The following PREX2 variants were observed in gnomAD, a reference collection of about 807,000 sequenced individuals.
The protein encoded by PREX2 is phosphatidylinositol 3,4,5-trisphosphate-dependent Rac exchanger 2 protein.
PREX2 carries 107 observed loss-of-function variants against 203.2 expected under a neutral mutation model. That is an observed-to-expected ratio of 0.53 (90% CI 0.45 to 0.62). PREX2 has a LOEUF of 0.62. Among genes scored for constraint, PREX2 ranks in the 20% least tolerant of loss-of-function variants. PREX2 has a pLI of 0.00. For missense variants in PREX2, 1,777 were observed against 1,955.9 expected, an observed-to-expected ratio of 0.91 and a Z score of 1.72; for synonymous variants, 672 against 663.6, an observed-to-expected ratio of 1.01 and a Z score of -0.19.
chr8:68,194,086 G>A (rs549204130), intron 37 of PREX2, among the ~76,000 whole-genome samples: 1 of 152,210 alleles, frequency 6.6e-6, no homozygotes, highest in African/African-American at 2.4e-5. Flanking sequence ...AGCTTTGAAA[G>A]TTTTTTTGCT....
At chr8:67,970,173 G>T (rs1009734125) in intron 1 of PREX2, among the ~76,000 whole-genome samples, 4 of 152,132 alleles carry the variant, frequency 2.6e-5, no homozygotes, top group Non-Finnish European at 4.4e-5. Flanking sequence ...TTGTGTAACA[G>T]TTGTTGAAGG....
intron 31 of PREX2, among the ~76,000 whole-genome samples, chr8:68,129,886 CAA>C (rs3056769): frequency 0.39 from 57,374 of 147,552 alleles, 11,199 homozygotes; most frequent in South Asian, 0.51. Flanking sequence ...CAATAGTAAG[CAA>C]AAAAAAAAAA....
intron 14 of PREX2, among the ~76,000 whole-genome samples, chr8:68,076,470 C>G (rs1030748): frequency 6.6e-6 from 1 of 151,462 alleles, no homozygotes. Context: ...AAAAAAATAG[C>G]TTAATTGTTA....
Position 68,051,492 on chromosome 8 carries a change from G to A in PREX2, c.944-1605G>A, listed in dbSNP as rs559087533. Among the ~76,000 whole-genome samples the A allele has an allele frequency of 2.6e-5, 4 of 152,238 alleles. No homozygotes were observed. The South Asian group carries it at 8.3e-4, about 32-fold the overall frequency. On this transcript the variant is annotated intron_variant, in intron 8 of 39. Transcript: ENST00000288368. ...GGTCTTGTTAGGTTACAAGTGGTTAGGGTTGGGGGAAGAGTTTTAAACGTG... is the reference window on the plus strand; with the variant it reads ...GGTCTTGTTAGGTTACAAGTGGTTAAGGTTGGGGGAAGAGTTTTAAACGTG...
At chr8:68,081,199 A>G (rs1198336103) in intron 17 of PREX2, among the ~76,000 whole-genome samples, 4 of 152,128 alleles carry the variant, frequency 2.6e-5, no homozygotes, top group Non-Finnish European at 5.9e-5. Context: ...CAGGCATTAG[A>G]GTGTCATAAG....
intron 14 of PREX2, among the ~76,000 whole-genome samples, chr8:68,073,232 A>G (rs1250680131): frequency 6.6e-6 from 1 of 150,834 alleles, no homozygotes; most frequent in Non-Finnish European, 1.5e-5. Flanking sequence ...TCAACTAGTA[A>G]ATGATAAAAT....
In PREX2 at chr8:68,053,266, G is replaced by A. The variant is rs757947800; in HGVS notation, c.1093+20G>A. The A allele has an allele frequency of 5.5e-5, 89 of 1,610,960 alleles. 1 individual carries two copies. In the South Asian group the frequency reaches 6.5e-4, roughly 12 times the overall value. ...GGAAAGGTGGGTGTATGAATTGGGC[G>A]CTGTTACACTTTGTGAAGACTCTAA... On this transcript the variant is annotated intron_variant, in intron 9 of 39. Coordinates refer to ENST00000288368, the MANE Select transcript of PREX2 (RefSeq NM_024870.4).
Position 68,097,262 on chromosome 8 carries a change from C to T in PREX2, c.2553+61C>T, listed in dbSNP as rs1333798168. 6 of 1,340,934 alleles carry T rather than the reference C, an allele frequency of 4.5e-6. No homozygotes were observed. The African/African-American group carries it at 5.9e-5, about 13-fold the overall frequency. 83.1% of individuals were successfully genotyped at this position (1,340,934 alleles called of 1,614,324 possible). ...CTAAATAAAGGAACTGAAATCCTCC[C>T]TCTCCTTCACTTAAAAAAATAAAAA... On this transcript the variant is annotated intron_variant, in intron 22 of 39. Coordinates refer to ENST00000288368, the MANE Select transcript of PREX2 (RefSeq NM_024870.4).
chr8:67,995,006 T>G (rs1469587514), intron 1 of PREX2, among the ~76,000 whole-genome samples: 5 of 152,174 alleles, frequency 3.3e-5, no homozygotes, highest in Non-Finnish European at 7.4e-5. Flanking sequence ...AGAAGTTCTA[T>G]TTCCTTTTAT....
At chr8:68,112,088 G>C (rs534971849) in intron 25 of PREX2, among the ~76,000 whole-genome samples, 3 of 152,034 alleles carry the variant, frequency 2.0e-5, no homozygotes, top group Non-Finnish European at 2.9e-5. Context: ...TTAACACATA[G>C]GCATTTCACT....
intron 35 of PREX2, among the ~76,000 whole-genome samples, chr8:68,190,836 TA>T (rs1410050865): frequency 3.3e-5 from 5 of 151,914 alleles, no homozygotes; most frequent in Non-Finnish European, 7.4e-5. Flanking sequence ...CTAGATCAAA[TA>T]AAATGTAACT....
At position 68,044,495 on chromosome 8, in the gene PREX2, A is replaced by G. The variant is rs1353393989; in HGVS notation, c.848A>G (p.Lys283Arg). 5.6e-6 allele frequency: 9 copies of G among 1,609,844 alleles called. No homozygotes were observed. Among genetic ancestry groups the G allele is most frequent in the Non-Finnish European group, 6.8e-6 (8 of 1,176,522 alleles). ...VYCKRKHRRL[K>R]NSKASTDGHR... is the part of the protein sequence containing the mutation. ...TTTAATTCCATCTTAAGACGGTTGA[A>G]GAACAGCAAGGCATCTACAGATGGA... Residue 283 changes from lysine to arginine, a missense_variant, in exon 8 of 40, where the codon AAG becomes AGG. Transcript: ENST00000288368.
chr8:68,022,964 T>C (rs568394557), intron 4 of PREX2, among the ~76,000 whole-genome samples: 1 of 152,336 alleles, frequency 6.6e-6, no homozygotes, highest in African/African-American at 2.4e-5. Context: ...ATCCATTTTC[T>C]TTCATTTTAA....
In PREX2 at chr8:68,007,640, C is replaced by T. The variant is rs942630184; in HGVS notation, c.142-10206C>T. 4.1e-4 allele frequency among the ~76,000 whole-genome samples: 63 copies of T among 152,290 alleles called. 1 individual carries two copies. The highest frequency in any genetic ancestry group is 1.5e-3 in the African/African-American group (61 of 41,558). ...TTTTTTTATTTTTGAGACGGAGTCT[C>T]GCTTTGTCGCCCAGGCTGGAGTGCA... is the stretch of plus-strand genomic sequence containing the variant. On this transcript the variant is annotated intron_variant, in intron 1 of 39. Coordinates refer to ENST00000288368, the MANE Select transcript of PREX2 (RefSeq NM_024870.4).
At chr8:68,150,387 C>T (rs1811410220) in intron 34 of PREX2, among the ~76,000 whole-genome samples, 1 of 152,206 alleles carries the variant, frequency 6.6e-6, no homozygotes, top group South Asian at 2.1e-4. Context: ...AGATTAGCCT[C>T]ACCCTCTGTC....
At chr8:67,962,869 A>G (rs1231056910) in intron 1 of PREX2, among the ~76,000 whole-genome samples, 1 of 152,064 alleles carries the variant, frequency 6.6e-6, no homozygotes, top group Non-Finnish European at 1.5e-5. Flanking sequence ...CGGCCTCCCA[A>G]AGTGCTGGGA....
intron 39 of PREX2, among the ~76,000 whole-genome samples, chr8:68,230,230 G>A (rs1813139552): frequency 6.6e-6 from 1 of 152,184 alleles, no homozygotes; most frequent in South Asian, 2.1e-4. Context: ...CAAAGGGAGA[G>A]GAAATTTATA....
chr8:67,998,970 T>C (rs1806850512), intron 1 of PREX2, among the ~76,000 whole-genome samples: 1 of 152,172 alleles, frequency 6.6e-6, no homozygotes, highest in African/African-American at 2.4e-5. Context: ...ATCATTAGCT[T>C]TCTGAAAGAG....
intron 14 of PREX2, among the ~76,000 whole-genome samples, 173 bp downstream of exon 14, chr8:68,072,743 C>A (rs1420466071): frequency 2.6e-5 from 4 of 152,156 alleles, no homozygotes; most frequent in African/African-American, 9.7e-5. Flanking sequence ...ATTTTAGAGT[C>A]CTCAAACTTC....
Sources: allele counts gnomAD v4.1 joint callset (sites outside exome capture counted in the v4.1 genomes callset), GRCh38; gene constraint gnomAD v4.1.1; transcripts MANE v1.5; gene names NCBI Gene and HGNC (gene_info 2026-07-23, HGNC 2026-07-21).